The following GAS2 variants were observed in gnomAD, a reference collection of about 807,000 sequenced individuals.
The protein encoded by GAS2 is growth arrest-specific protein 2.
Under a neutral mutation model 37.5 loss-of-function variants are expected in GAS2, and 20 were observed. The observed-to-expected ratio is 0.53, with a 90% CI of 0.37 to 0.77. GAS2 has a LOEUF of 0.77. Among genes scored for constraint, GAS2 ranks in the 30% least tolerant of loss-of-function variants. GAS2 has a pLI of 0.00. For missense variants in GAS2, 336 were observed against 373.4 expected (o/e 0.90, Z 0.82); for synonymous variants, 144 against 132.2 (o/e 1.09, Z -0.61).
Position 22,656,466 on chromosome 11 carries a change from T to C in GAS2, c.-20-18384T>C, listed in dbSNP as rs567583299. Among the ~76,000 whole-genome samples, 6 of 152,314 alleles carry C rather than the reference T, an allele frequency of 3.9e-5. No individual in the cohort carries two copies. The South Asian group carries it at 1.2e-3, about 32-fold the overall frequency. On this transcript the variant is annotated intron_variant, in intron 1 of 5. Coordinates refer to the GAS2 transcript ENST00000528582. The stretch of plus-strand genomic sequence containing the variant: ...GTACCAAATTGTGTGAAGGATAAAC[T>C]GAATGACTATAAAAAGAATGTTCAT...
In GAS2 at chr11:22,700,777, C is replaced by T. The variant is rs77786740; in HGVS notation, c.267+14988C>T. ...CAGTATAAAATAAGCATCAGATGAGCGATAGCTAATGGTTTCATGAATTTG... is the reference window on the plus strand; with the variant it reads ...CAGTATAAAATAAGCATCAGATGAGTGATAGCTAATGGTTTCATGAATTTG... On this transcript the variant is annotated intron_variant, in intron 3 of 7. Transcript: ENST00000454584. Among the ~76,000 whole-genome samples the T allele has an allele frequency of 9.5e-3, 1,441 of 152,054 alleles. 30 individuals carry two copies. The highest frequency in any genetic ancestry group is 0.051 in the East Asian group (266 of 5,184).
At chr11:22,693,000 C>G (rs546845385) in intron 3 of GAS2, among the ~76,000 whole-genome samples, 9 of 152,110 alleles carry the variant, frequency 5.9e-5, no homozygotes, top group Non-Finnish European at 1.2e-4. Flanking sequence ...GAACCCCTTT[C>G]TGCATTTTCA....
intron 1 of GAS2, among the ~76,000 whole-genome samples, chr11:22,648,762 G>T (rs1848734577): frequency 6.6e-6 from 1 of 152,100 alleles, no homozygotes. Flanking sequence ...TGTGATTTTT[G>T]TACATTGATT....
At chr11:22,802,570 A>G (rs1856715095) in intron 7 of GAS2, among the ~76,000 whole-genome samples, 2 of 151,908 alleles carry the variant, frequency 1.3e-5, no homozygotes, top group Admixed American at 1.3e-4. Context: ...CTTTGCTATG[A>G]TCAGAGGCAC....
chr11:22,673,444 T>C (rs1849285500), intron 1 of GAS2, among the ~76,000 whole-genome samples: 1 of 152,218 alleles, frequency 6.6e-6, no homozygotes, highest in South Asian at 2.1e-4. Context: ...CTCTTGCCTA[T>C]TGCAAGTATT....
intron 3 of GAS2, among the ~76,000 whole-genome samples, chr11:22,701,541 G>A (rs763402097): frequency 3.9e-4 from 60 of 152,010 alleles, no homozygotes; most frequent in Non-Finnish European, 1.2e-4. Flanking sequence ...AAAATAGTTC[G>A]GAAAGGGCTG....
At chr11:22,659,450 A>G (rs550302796) in intron 1 of GAS2, among the ~76,000 whole-genome samples, 24 of 152,208 alleles carry the variant, frequency 1.6e-4, no homozygotes, top group Non-Finnish European at 2.6e-4. Flanking sequence ...TCCTCGACTG[A>G]TACCAGATCC....
intron 3 of GAS2, among the ~76,000 whole-genome samples, chr11:22,686,927 C>T (rs1364751353): frequency 6.6e-6 from 1 of 152,026 alleles, no homozygotes; most frequent in Non-Finnish European, 1.5e-5. Flanking sequence ...AAACCTCCCT[C>T]TATTTTTTTA....
At chr11:22,652,995 C>CTTTCTTTCTTTCTT (rs1848807105) in intron 1 of GAS2, among the ~76,000 whole-genome samples, 2 of 134,026 alleles carry the variant, frequency 1.5e-5, no homozygotes, top group African/African-American at 2.8e-5. Context: ...CTTTCTTTGT[C>CTTTCTTTCTTTCTT]TTTCTTTCTT....
intron 5 of GAS2, among the ~76,000 whole-genome samples, chr11:22,744,178 G>T (rs1853248877): frequency 6.6e-6 from 1 of 152,044 alleles, no homozygotes. Context: ...CAACAAAAAA[G>T]CCCTGGGCCA....
upstream of GAS2, among the ~76,000 whole-genome samples, chr11:22,661,994 G>A (rs12577514): frequency 0.17 from 25,122 of 152,030 alleles, 2,438 homozygotes; most frequent in East Asian, 0.3. Flanking sequence ...AGTAAAGTAC[G>A]TAATGTTTTT....
intron 7 of GAS2, among the ~76,000 whole-genome samples, chr11:22,761,671 A>G (rs919850037): frequency 6.6e-6 from 1 of 152,120 alleles, no homozygotes; most frequent in African/African-American, 2.4e-5. Flanking sequence ...ATTTACTGAT[A>G]ATTGCCTTTG....
chr11:22,683,031 A>C (rs1470663705), intron 2 of GAS2, among the ~76,000 whole-genome samples: 1 of 152,106 alleles, frequency 6.6e-6, no homozygotes, highest in Non-Finnish European at 1.5e-5. Flanking sequence ...AAAGTTCTGC[A>C]CAGGCTACCT....
intron 7 of GAS2, among the ~76,000 whole-genome samples, chr11:22,799,041 AAC>A (rs1275372752): frequency 6.6e-6 from 1 of 152,118 alleles, no homozygotes; most frequent in Non-Finnish European, 1.5e-5. Context: ...GGCTTGTAAA[AAC>A]ACACAGTGAA....
At chr11:22,724,437 G>A (rs999884957) in intron 3 of GAS2, among the ~76,000 whole-genome samples, 1 of 151,856 alleles carries the variant, frequency 6.6e-6, no homozygotes, top group Non-Finnish European at 1.5e-5. Context: ...GCTATTTTAT[G>A]TGTAGAATAT....
intron 2 of GAS2, among the ~76,000 whole-genome samples, chr11:22,677,068 T>C (rs145063370): frequency 1.3e-5 from 2 of 152,340 alleles, no homozygotes; most frequent in East Asian, 3.9e-4. Context: ...ATAGTACCTA[T>C]TCTTGCAAAG....
intron 5 of GAS2, among the ~76,000 whole-genome samples, chr11:22,748,143 A>G (rs1853515513): frequency 6.6e-6 from 1 of 152,132 alleles, no homozygotes; most frequent in Non-Finnish European, 1.5e-5. Context: ...ATGTTTTTAA[A>G]TCTCCAAGTG....
At chr11:22,699,818 A>T (rs968509300) in intron 3 of GAS2, among the ~76,000 whole-genome samples, 3 of 152,318 alleles carry the variant, frequency 2.0e-5, no homozygotes, top group African/African-American at 7.2e-5. Context: ...TTTAGCTGTT[A>T]ACTTTATTGT....
chr11:22,627,118 C>T (rs1858672215), intron 1 of GAS2, among the ~76,000 whole-genome samples: 1 of 152,132 alleles, frequency 6.6e-6, no homozygotes, highest in African/African-American at 2.4e-5. Context: ...TTAGTTATCT[C>T]AAACTCTTAC....
Sources: gnomAD v4.1 joint callset for allele counts (sites outside exome capture counted in the v4.1 genomes callset) on GRCh38, gnomAD v4.1.1 for gene constraint, MANE v1.5 for transcripts, NCBI Gene and HGNC (gene_info 2026-07-23, HGNC 2026-07-21) for gene names.